The following ZBTB20 variants were observed in gnomAD, a reference collection of about 807,000 sequenced individuals.
The protein encoded by ZBTB20 is zinc finger and BTB domain containing 20.
Under a neutral mutation model 56.9 loss-of-function variants are expected in ZBTB20, and 9 were observed. That is an observed-to-expected ratio of 0.16 (90% CI 0.10 to 0.28). The LOEUF is 0.28. ZBTB20 is among the 10% of genes least tolerant of loss of function. The probability of loss-of-function intolerance (pLI) is 1.00; values close to 1 mark genes in which losing one functional copy is unlikely to be tolerated. For missense variants in ZBTB20, 655 were observed against 1,003.0 expected, an observed-to-expected ratio of 0.65 and a Z score of 4.69; for synonymous variants, 417 against 420.7, an observed-to-expected ratio of 0.99 and a Z score of 0.11.
intron 2 of ZBTB20, among the ~76,000 whole-genome samples, chr3:115,047,627 T>C (rs2081380174): frequency 6.6e-6 from 1 of 152,184 alleles, no homozygotes; most frequent in Non-Finnish European, 1.5e-5. Flanking sequence ...TAACAATGAA[T>C]AATGCAAAAT....
chr3:114,357,792 G>A (rs1407413723), intron 10 of ZBTB20, among the ~76,000 whole-genome samples: 1 of 152,138 alleles, frequency 6.6e-6, no homozygotes, highest in Admixed American at 6.5e-5. Context: ...TGATGCATAA[G>A]GTCTGTTGAA....
chr3:114,953,522 C>T (rs260178), intron 3 of ZBTB20, among the ~76,000 whole-genome samples: 149,511 of 152,034 alleles, frequency 0.98, 73,587 homozygotes, highest in East Asian at 1. Context: ...GAAAAGTGTA[C>T]GTGCTGCAAA....
At chr3:114,465,280 A>T (rs975352118) in intron 7 of ZBTB20, among the ~76,000 whole-genome samples, 1 of 152,168 alleles carries the variant, frequency 6.6e-6, no homozygotes, top group South Asian at 2.1e-4. Flanking sequence ...ACTGTATTAA[A>T]TTATTAATAA....
chr3:114,513,688 G>T (rs2045662359), intron 6 of ZBTB20, among the ~76,000 whole-genome samples: 2 of 152,132 alleles, frequency 1.3e-5, no homozygotes, highest in African/African-American at 4.8e-5. Context: ...GGGGCACTAG[G>T]TGAGAGAAAT....
At chr3:114,939,124 A>C (rs760808183) in intron 3 of ZBTB20, among the ~76,000 whole-genome samples, 4 of 146,108 alleles carry the variant, frequency 2.7e-5, no homozygotes, top group Non-Finnish European at 4.4e-5. Context: ...TGCTCTCTAC[A>C]AAAGCTCCTC....
intron 4 of ZBTB20, among the ~76,000 whole-genome samples, chr3:114,825,490 C>T (rs978336681): frequency 6.6e-6 from 1 of 151,852 alleles, no homozygotes; most frequent in Admixed American, 6.6e-5. Context: ...GAAGGGGGTT[C>T]CACTTCCTAA....
intron 2 of ZBTB20, among the ~76,000 whole-genome samples, chr3:115,017,529 G>A (rs1426613490): frequency 1.3e-5 from 2 of 151,286 alleles, no homozygotes; most frequent in Admixed American, 6.6e-5. Flanking sequence ...AAAATTTATA[G>A]TATAAATTAA....
At chr3:114,906,173 T>A (rs2075310814) in intron 3 of ZBTB20, among the ~76,000 whole-genome samples, 1 of 151,866 alleles carries the variant, frequency 6.6e-6, no homozygotes, top group Non-Finnish European at 1.5e-5. Context: ...TAAGTATTTG[T>A]CAGATGTATA....
chr3:114,732,391 T>C (rs1347157781), intron 5 of ZBTB20, among the ~76,000 whole-genome samples: 1 of 152,136 alleles, frequency 6.6e-6, no homozygotes, highest in Non-Finnish European at 1.5e-5. Context: ...AACGGTATGT[T>C]GGTCAGAGAT....
intron 4 of ZBTB20, among the ~76,000 whole-genome samples, chr3:114,807,565 C>T (rs899465642): frequency 6.6e-6 from 1 of 151,878 alleles, no homozygotes; most frequent in Non-Finnish European, 1.5e-5. Flanking sequence ...TAAGAACTGA[C>T]AACCTTGCCT....
chr3:114,949,237 T>G (rs577014297), intron 3 of ZBTB20, among the ~76,000 whole-genome samples: 1 of 146,266 alleles, frequency 6.8e-6, no homozygotes, highest in East Asian at 1.9e-4. Flanking sequence ...TGTCCATCCT[T>G]GCCCCCATCT....
intron 6 of ZBTB20, among the ~76,000 whole-genome samples, chr3:114,539,659 G>A (rs898141552): frequency 9.9e-5 from 15 of 151,924 alleles, no homozygotes; most frequent in African/African-American, 2.9e-4. Flanking sequence ...ATATCCAGAC[G>A]TCATCTCCTC....
Position 114,349,633 on chromosome 3 carries a change from C to G in ZBTB20, c.1804+641G>C, listed in dbSNP as rs908731372. Among the ~76,000 whole-genome samples, 4 of 152,156 alleles carry G rather than the reference C, an allele frequency of 2.6e-5. No individual in the cohort carries two copies. The East Asian group carries it at 7.7e-4, about 29-fold the overall frequency. On this transcript the variant is annotated intron_variant, in intron 11 of 11. Coordinates refer to ENST00000675478, the MANE Select transcript of ZBTB20 (RefSeq NM_001348800.3). Reference sequence around the variant, plus strand: ...TGTGGAAAGGATCTCCTGATAGCATCCAATCATTGGTCTAGTTCCACCTTT... The same window carrying G: ...TGTGGAAAGGATCTCCTGATAGCATGCAATCATTGGTCTAGTTCCACCTTT...
intron 1 of ZBTB20, among the ~76,000 whole-genome samples, chr3:115,131,933 T>C (rs1156574035): frequency 6.6e-6 from 1 of 152,162 alleles, no homozygotes; most frequent in East Asian, 1.9e-4. Flanking sequence ...CATGACCATG[T>C]TGTTTAGATG....
chr3:114,435,397 T>C (rs910115302), intron 7 of ZBTB20, among the ~76,000 whole-genome samples: 3 of 152,202 alleles, frequency 2.0e-5, no homozygotes, highest in African/African-American at 7.2e-5. Context: ...GATTGATATT[T>C]TGCCCATTTT....
intron 3 of ZBTB20, among the ~76,000 whole-genome samples, chr3:114,936,166 T>C (rs2076528348): frequency 6.6e-6 from 1 of 151,950 alleles, no homozygotes; most frequent in Non-Finnish European, 1.5e-5. Flanking sequence ...AAAAACAAGA[T>C]TGTTAAAAGA....
intron 6 of ZBTB20, among the ~76,000 whole-genome samples, chr3:114,669,535 C>T (rs1560106573): frequency 6.6e-6 from 1 of 151,378 alleles, no homozygotes. Context: ...CTTTGAATTC[C>T]AGGAGGTATA....
chr3:114,726,911 CAAAAAAAAAAAA>C (rs35565597), intron 5 of ZBTB20, among the ~76,000 whole-genome samples: 3 of 49,304 alleles, frequency 6.1e-5, no homozygotes, highest in South Asian at 2.6e-3. Flanking sequence ...GACTCCATCA[CAAAAAAAAAAAA>C]AAAAAAAAAA....
intron 7 of ZBTB20, among the ~76,000 whole-genome samples, chr3:114,483,850 CATAATT>C (rs1461221121): frequency 6.6e-6 from 1 of 151,956 alleles, no homozygotes; most frequent in Non-Finnish European, 1.5e-5. Flanking sequence ...GTTTCATAAA[CATAATT>C]ATAGGCCACC....
Sources: allele counts gnomAD v4.1 joint callset (sites outside exome capture counted in the v4.1 genomes callset), GRCh38; gene constraint gnomAD v4.1.1; transcripts MANE v1.5; gene names NCBI Gene and HGNC (gene_info 2026-07-23, HGNC 2026-07-21).